ARHGAP21: variants seen among roughly 807,000 people sequenced by gnomAD.
ARHGAP21 encodes the protein rho GTPase-activating protein 21.
ARHGAP21 carries 38 observed loss-of-function variants against 164.6 expected under a neutral mutation model. The observed-to-expected ratio is 0.23, with a 90% CI of 0.18 to 0.30. The LOEUF (loss-of-function observed/expected upper bound fraction) is 0.30, where lower values mean the gene tolerates loss of function less well. Among genes scored for constraint, ARHGAP21 ranks in the 10% least tolerant of loss-of-function variants. ARHGAP21 has a pLI of 1.00. For missense variants in ARHGAP21, 1,822 were observed against 2,370.7 expected (o/e 0.77, Z 4.81); for synonymous variants, 766 against 857.9 (o/e 0.89, Z 1.87).
rs773073366 is a variant in ARHGAP21, at chr10:24,595,933, T to C, written c.3588A>G (p.Gln1196=). The change falls in exon 18 of 26, where the codon CAA becomes CAG. Residue 1196 remains glutamine (Q), a synonymous_variant. Coordinates refer to ENST00000396432, the MANE Select transcript of ARHGAP21 (RefSeq NM_020824.4). The stretch of plus-strand genomic sequence containing the variant: ...CAGCCATTCCCTTGTTGAGTTCTTC[T>C]TGCATACTTGAGATGGCTGCATTAT... ...PGNNAAISSM[Q]EELNKGMADI... is the part of the protein sequence containing the mutation. 1 of 1,613,624 alleles carries C rather than the reference T, an allele frequency of 6.2e-7. No individual in the cohort carries two copies. Among genetic ancestry groups the C allele is most frequent in the Admixed American group, 1.7e-5 (1 of 59,984 alleles).
intron 9 of ARHGAP21, among the ~76,000 whole-genome samples, chr10:24,615,452 T>G (rs953371979): frequency 2.6e-5 from 4 of 152,140 alleles, no homozygotes; most frequent in Non-Finnish European, 5.9e-5. Flanking sequence ...AGATGCCAAT[T>G]CAAACCTGGG....
chr10:24,591,842 T>A, intron 22 of ARHGAP21, 45 bp downstream of exon 22: 1 of 1,594,264 alleles, frequency 6.3e-7, no homozygotes, highest in South Asian at 1.1e-5. Context: ...TGAATTTTCT[T>A]GCAGAGATGA....
rs548843867 is a variant in ARHGAP21, at chr10:24,701,383, T to C, written c.63+20454A>G. ...ACAAAATGAGATTTCCATTAAATAA[T>C]AAAAATTTCCAATCATTTTACAACC... On this transcript the variant is annotated intron_variant, in intron 2 of 25. Coordinates refer to ENST00000396432, the MANE Select transcript of ARHGAP21 (RefSeq NM_020824.4). 2.6e-5 allele frequency among the ~76,000 whole-genome samples: 4 copies of C among 151,918 alleles called. No individual in the cohort carries two copies. In the East Asian group the frequency reaches 7.8e-4, roughly 29 times the overall value.
intron 2 of ARHGAP21, among the ~76,000 whole-genome samples, chr10:24,700,970 A>C (rs1843619707): frequency 6.6e-6 from 1 of 152,154 alleles, no homozygotes; most frequent in South Asian, 2.1e-4. Flanking sequence ...GACCACACTT[A>C]AAGTAGCAAG....
intron 9 of ARHGAP21, among the ~76,000 whole-genome samples, chr10:24,608,266 C>T (rs780656485): frequency 6.6e-6 from 1 of 152,112 alleles, no homozygotes; most frequent in Non-Finnish European, 1.5e-5. Context: ...TTTAAATGTA[C>T]CACAGATTAT....
intron 2 of ARHGAP21, among the ~76,000 whole-genome samples, chr10:24,718,717 C>G (rs530853821): frequency 6.6e-6 from 1 of 152,100 alleles, no homozygotes; most frequent in Non-Finnish European, 1.5e-5. Flanking sequence ...AATCAACCAA[C>G]AAGTGTATTT....
intron 8 of ARHGAP21, among the ~76,000 whole-genome samples, 170 bp from the exon 9 acceptor site, chr10:24,621,539 GTC>G (rs1391160010): frequency 6.6e-6 from 1 of 152,172 alleles, no homozygotes; most frequent in Non-Finnish European, 1.5e-5. Context: ...GAAAGAGCTA[GTC>G]TCTCAGAAAT....
intron 9 of ARHGAP21, among the ~76,000 whole-genome samples, chr10:24,613,990 G>T (rs1458040307): frequency 6.6e-6 from 1 of 152,184 alleles, no homozygotes; most frequent in African/African-American, 2.4e-5. Flanking sequence ...GTACAAGCGT[G>T]TGTGTATGAA....
chr10:24,647,550 A>G (rs1308779646), intron 4 of ARHGAP21, among the ~76,000 whole-genome samples: 5 of 152,232 alleles, frequency 3.3e-5, no homozygotes, highest in African/African-American at 1.2e-4. Context: ...ATACTAACAT[A>G]GTAAATTTTG....
At chr10:24,700,686 G>GT (rs1270448036) in intron 2 of ARHGAP21, among the ~76,000 whole-genome samples, 5 of 152,094 alleles carry the variant, frequency 3.3e-5, no homozygotes, top group African/African-American at 1.2e-4. Context: ...AAATAATATG[G>GT]TAAGTGGTAA....
At chr10:24,590,940 T>TA (rs901265529) in intron 24 of ARHGAP21, 15,259 of 738,412 alleles carry the variant, frequency 0.021, 9 homozygotes, top group Middle Eastern at 0.025. Context: ...AACTGTGAAT[T>TA]AAAAAAAAAA....
At chr10:24,690,528 T>C (rs1842667226) in intron 2 of ARHGAP21, among the ~76,000 whole-genome samples, 1 of 152,032 alleles carries the variant, frequency 6.6e-6, no homozygotes, top group African/African-American at 2.4e-5. Context: ...CCCCATAATA[T>C]AAATAACATA....
chr10:24,684,501 T>C (rs185349781), intron 2 of ARHGAP21, among the ~76,000 whole-genome samples: 1 of 152,348 alleles, frequency 6.6e-6, no homozygotes, highest in Admixed American at 6.5e-5. Flanking sequence ...AGCATTTTCT[T>C]TTTAAATGAT....
intron 2 of ARHGAP21, among the ~76,000 whole-genome samples, chr10:24,693,282 G>A (rs1417381318): frequency 3.3e-5 from 5 of 151,860 alleles, no homozygotes; most frequent in African/African-American, 1.2e-4. Context: ...GATTGTCATT[G>A]TCATGCTAAA....
At chr10:24,617,620 A>C (rs1834086480) in intron 9 of ARHGAP21, among the ~76,000 whole-genome samples, 1 of 152,114 alleles carries the variant, frequency 6.6e-6, no homozygotes, top group South Asian at 2.1e-4. Context: ...ATAAAAAAAA[A>C]CATAAGCTGT....
chr10:24,619,798 G>A lies in ARHGAP21; in HGVS notation c.2097C>T (p.Asn699=), dbSNP rs779455593. ...SAKPAPQSSE[N]AGTSDLELPV... ...GTAGTTCTAAATCTGAAGTACCAGC[G>A]TTTTCACTCGACTGAGGGGCAGGCT... The change falls in exon 9 of 26, where the codon AAC becomes AAT. Residue 699 remains asparagine (N), a synonymous_variant. Coordinates refer to ENST00000396432, the MANE Select transcript of ARHGAP21 (RefSeq NM_020824.4). The A allele has an allele frequency of 1.7e-5, 28 of 1,614,030 alleles. No individual in the cohort carries two copies. Among genetic ancestry groups the A allele is most frequent in the Admixed American group, 1.7e-4 (10 of 60,000 alleles).
At position 24,584,450 on chromosome 10, in the gene ARHGAP21, T is replaced by G; in HGVS notation, c.5839A>C (p.Thr1947Pro). The G allele has an allele frequency of 6.2e-7, 1 of 1,613,170 alleles. No homozygotes were observed. The highest frequency in any genetic ancestry group is 8.5e-7 in the Non-Finnish European group (1 of 1,179,514). ...TGAAACTCTGCTTTACTGCCTGGGG[T>G]TTCAGACAGTTTATGAGGTTGGGCA... ...ANAQPHKLSE[T>P]PGSKAEFHPC... is the part of the protein sequence containing the mutation. Residue 1947 changes from threonine (T) to proline (P), a missense_variant, in exon 26 of 26, where the codon ACC becomes CCC. By Grantham distance (38) the Thr-to-Pro change is conservative. Around this residue, in one of 5 missense-constraint regions of ARHGAP21, gnomAD observed 165 missense variants for 176.6 expected, o/e 0.93. Coordinates refer to ENST00000396432, the MANE Select transcript of ARHGAP21 (RefSeq NM_020824.4).
chr10:24,600,840 T>A lies in ARHGAP21; in HGVS notation c.2938A>T (p.Thr980Ser). 1 of 1,614,220 alleles carries A rather than the reference T, an allele frequency of 6.2e-7. No homozygotes were observed. Among genetic ancestry groups the A allele is most frequent in the Non-Finnish European group, 8.5e-7 (1 of 1,180,018 alleles). Residue 980 changes from threonine to serine, a missense_variant, in exon 14 of 26, where the codon ACG becomes TCG. Thr to Ser is a moderately conservative substitution (Grantham distance 58). Transcript: ENST00000396432. ...GGCTGCTCTTCCTCAGACGGAGTCG[T>A]CTGCTCTCTTTTATCTTTGTACAGG... ...LYLYKDKREQ[T>S]TPSEEEQPIS...
intron 2 of ARHGAP21, among the ~76,000 whole-genome samples, chr10:24,670,749 A>G (rs1447127983): frequency 6.6e-6 from 1 of 152,206 alleles, no homozygotes; most frequent in African/African-American, 2.4e-5. Flanking sequence ...AAGAAACAGA[A>G]AGCATGAAAG....
Sources: allele counts gnomAD v4.1 joint callset (sites outside exome capture counted in the v4.1 genomes callset), GRCh38; gene constraint gnomAD v4.1.1; regional missense constraint gnomAD v4.1.1; transcripts MANE v1.5; gene names NCBI Gene and HGNC (gene_info 2026-07-23, HGNC 2026-07-21).